The following NPLOC4 variants were observed in gnomAD, a reference collection of about 807,000 sequenced individuals.
NPLOC4 encodes nuclear protein localization protein 4 homolog.
NPLOC4 carries 18 observed loss-of-function variants against 80.6 expected under a neutral mutation model. The ratio of observed to expected loss-of-function variants is 0.22; its 90% CI spans 0.15 to 0.33. The LOEUF (loss-of-function observed/expected upper bound fraction) is 0.33. Among genes scored for constraint, NPLOC4 ranks in the 10% least tolerant of loss-of-function variants. The pLI is 1.00. For synonymous variants in NPLOC4, 313 were observed against 301.5 expected, an observed-to-expected ratio of 1.04 and a Z score of -0.39; for missense variants, 540 against 786.1, an observed-to-expected ratio of 0.69 and a Z score of 3.74.
chr17:81,559,146 G>C lies in NPLOC4; in HGVS notation c.*113C>G. ...GGGAGCCCAGGACAGCCAGCCCCTT[G>C]TTCCTCCAGGGCTGCCCACTATGGG... On this transcript the variant is annotated 3_prime_UTR_variant, in exon 17 of 17. Coordinates refer to ENST00000331134, the MANE Select transcript of NPLOC4 (RefSeq NM_017921.4). The C allele has an allele frequency of 8.1e-7, 1 of 1,235,238 alleles. No individual in the cohort carries two copies. The highest frequency in any genetic ancestry group is 1.1e-6 in the Non-Finnish European group (1 of 913,928). The allele number at this position is 1,235,238 out of a possible 1,614,324, so 76.5% of individuals were successfully genotyped here.
intron 5 of NPLOC4, among the ~76,000 whole-genome samples, chr17:81,609,222 A>T (rs1285986656): frequency 2.0e-5 from 3 of 151,998 alleles, no homozygotes; most frequent in Non-Finnish European, 4.4e-5. Context: ...GTTTCAGCAT[A>T]TTGGCCAGGC....
chr17:81,591,201 G>A (rs1313994841), intron 11 of NPLOC4, among the ~76,000 whole-genome samples: 2 of 152,034 alleles, frequency 1.3e-5, no homozygotes, highest in African/African-American at 2.4e-5. Context: ...TTGGGAGGCC[G>A]AGGCAGGCAG....
rs112984754 is a variant in NPLOC4, at chr17:81,588,703, G to A, written c.1281+241C>T. ...GTCTGTGTTGCAATGGTCGGATTTG[G>A]TGTTACTGATCTCAAAGCCAGTGCA... On this transcript the variant is annotated intron_variant, in intron 12 of 16. Transcript: ENST00000331134. 5.5e-3 allele frequency among the ~76,000 whole-genome samples: 838 copies of A among 152,306 alleles called. 11 individuals are homozygous for A. The highest frequency in any genetic ancestry group is 0.019 in the African/African-American group (786 of 41,566).
intron 16 of NPLOC4, chr17:81,564,651 G>A (rs979884693): frequency 6.6e-6 from 1 of 152,238 alleles, no homozygotes; most frequent in African/African-American, 2.4e-5. Context: ...ATCCAGGCAT[G>A]GTGGCACATG....
At chr17:81,603,014 C>T (rs10588038) in intron 8 of NPLOC4, among the ~76,000 whole-genome samples, 23,668 of 140,962 alleles carry the variant, frequency 0.17, 2,218 homozygotes, top group Admixed American at 0.26. Context: ...CACACACACA[C>T]ATATAAAAGT....
chr17:81,637,037 C>A lies in NPLOC4; in HGVS notation c.-107G>T. ...CTCAGCCCCGGCCCCGGCCTCCCTA[C>A]GCCGCCGCCACCGCCGCTCCAGCTT... On this transcript the variant is annotated 5_prime_UTR_variant, in exon 1 of 17. Coordinates refer to ENST00000331134, the MANE Select transcript of NPLOC4 (RefSeq NM_017921.4). 1 of 643,782 alleles carries A rather than the reference C, an allele frequency of 1.6e-6. No homozygotes were observed. The highest frequency in any genetic ancestry group is 2.1e-6 in the Non-Finnish European group (1 of 468,076). 39.9% of individuals were successfully genotyped at this position (643,782 alleles called of 1,614,324 possible). A position where few individuals can be genotyped will look rare whatever the true frequency, so the allele number is the denominator to read the frequency against.
intron 2 of NPLOC4, among the ~76,000 whole-genome samples, chr17:81,624,236 T>C (rs1449825380): frequency 2.6e-5 from 4 of 151,940 alleles, no homozygotes; most frequent in African/African-American, 9.7e-5. Context: ...CTGGCCACCT[T>C]GATGAAACCC....
In NPLOC4 at chr17:81,581,739, G is replaced by C. The variant is rs570393461; in HGVS notation, c.1281+7205C>G. Among the ~76,000 whole-genome samples, 6 of 152,358 alleles carry C rather than the reference G, an allele frequency of 3.9e-5. No individual in the cohort carries two copies. In the South Asian group the frequency reaches 6.2e-4, roughly 16 times the overall value. ...AAGCCAAGTCAGATTCCAGACACTA[G>C]AGCCACTGTCCCATGTCCAGAGGAG... is the stretch of plus-strand genomic sequence containing the variant. On this transcript the variant is annotated intron_variant, in intron 12 of 16. Transcript: ENST00000331134.
chr17:81,606,641 T>C (rs763188710), intron 7 of NPLOC4, 50 bp downstream of exon 7: 7 of 1,586,956 alleles, frequency 4.4e-6, no homozygotes, highest in South Asian at 2.3e-5. Flanking sequence ...TCTGGAAATA[T>C]CCGTTTCTCA....
chr17:81,618,590 T>G, intron 3 of NPLOC4, among the ~76,000 whole-genome samples: 1 of 58,188 alleles, frequency 1.7e-5, no homozygotes, highest in African/African-American at 9.4e-5. Flanking sequence ...AGGTGGGGGG[T>G]CAGCCCCCGC....
In NPLOC4 at chr17:81,636,995, G is replaced by A. The variant is rs1337573685; in HGVS notation, c.-65C>T. 112 of 1,089,468 alleles carry A rather than the reference G, an allele frequency of 1.0e-4. No individual in the cohort carries two copies. In the East Asian group the frequency reaches 3.9e-3, roughly 38 times the overall value. The allele number at this position is 1,089,468 out of a possible 1,614,324, so 67.5% of individuals were successfully genotyped here. A position where few individuals can be genotyped will look rare whatever the true frequency, so the allele number is the denominator to read the frequency against. On this transcript the variant is annotated 5_prime_UTR_variant, in exon 1 of 17. Transcript: ENST00000331134. ...CGCCGCCTGCCGCCCCAAGGGCCTC[G>A]CAGACCCGGCCGCGGCCTCAGCCCC...
chr17:81,613,603 A>G (rs1239549678), intron 3 of NPLOC4, 109 bp from the exon 4 acceptor site: 3 of 934,536 alleles, frequency 3.2e-6, no homozygotes, highest in Admixed American at 5.7e-5. Flanking sequence ...CTGTAGGCCT[A>G]AACAATGAGG....
Position 81,617,631 on chromosome 17 carries a change from G to C in NPLOC4, c.210-4137C>G, listed in dbSNP as rs529193946. The stretch of plus-strand genomic sequence containing the variant: ...GAGACCATCCTGGCTAACACGGTGA[G>C]ATCCCGTCTCTATTAAAAACACAAA... On this transcript the variant is annotated intron_variant, in intron 3 of 16. Coordinates refer to ENST00000331134, the MANE Select transcript of NPLOC4 (RefSeq NM_017921.4). 6.6e-5 allele frequency among the ~76,000 whole-genome samples: 10 copies of C among 151,882 alleles called. No homozygotes were observed. In the South Asian group the frequency reaches 1.9e-3, roughly 28 times the overall value.
At chr17:81,559,952 C>G (rs2033798368) in intron 16 of NPLOC4, among the ~76,000 whole-genome samples, 1 of 149,914 alleles carries the variant, frequency 6.7e-6, no homozygotes, top group South Asian at 2.2e-4. Context: ...CCAGGCTGGT[C>G]TCGAACTCCT....
chr17:81,632,070 G>C (rs2035946133), intron 1 of NPLOC4, among the ~76,000 whole-genome samples: 1 of 151,358 alleles, frequency 6.6e-6, no homozygotes, highest in African/African-American at 2.4e-5. Flanking sequence ...CCGCCTCCCA[G>C]GTTCAGGCGA....
At chr17:81,635,115 G>A (rs1484305026) in intron 1 of NPLOC4, among the ~76,000 whole-genome samples, 1 of 151,842 alleles carries the variant, frequency 6.6e-6, no homozygotes, top group Non-Finnish European at 1.5e-5. Context: ...GCCAAGGCGG[G>A]CGGATCACGA....
intron 6 of NPLOC4, among the ~76,000 whole-genome samples, chr17:81,607,924 C>T (rs1308466939): frequency 6.6e-6 from 1 of 152,212 alleles, no homozygotes; most frequent in African/African-American, 2.4e-5. Context: ...GCCACCATCT[C>T]CTCGTTGCAC....
At chr17:81,603,625 T>G (rs2144211910) in intron 8 of NPLOC4, among the ~76,000 whole-genome samples, 1 of 152,208 alleles carries the variant, frequency 6.6e-6, no homozygotes, top group African/African-American at 2.4e-5. Context: ...ATTAAAAATT[T>G]CTAACATACA....
At chr17:81,586,153 A>C (rs923699371) in intron 12 of NPLOC4, among the ~76,000 whole-genome samples, 1 of 152,146 alleles carries the variant, frequency 6.6e-6, no homozygotes, top group African/African-American at 2.4e-5. Context: ...CCAGATAAGA[A>C]GACCCCCAGC....
Sources: allele counts gnomAD v4.1 joint callset (sites outside exome capture counted in the v4.1 genomes callset), GRCh38; gene constraint gnomAD v4.1.1; transcripts MANE v1.5; gene names NCBI Gene and HGNC (gene_info 2026-07-23, HGNC 2026-07-21).